The following CALCR variants were observed in gnomAD, a reference collection of about 807,000 sequenced individuals.
The protein encoded by CALCR is calcitonin receptor.
Under a neutral mutation model 59.5 loss-of-function variants are expected in CALCR, and 47 were observed. The observed-to-expected ratio is 0.79, with a 90% CI of 0.63 to 1.01. The LOEUF (loss-of-function observed/expected upper bound fraction) is 1.01, where lower values mean the gene tolerates loss of function less well. Ranked by LOEUF, CALCR falls within the 50% of genes least tolerant of loss-of-function variation. The pLI, the probability that CALCR is intolerant of heterozygous loss-of-function variation, is 0.00. For missense variants in CALCR, 566 were observed against 597.1 expected, an observed-to-expected ratio of 0.95 and a Z score of 0.54; for synonymous variants, 213 against 211.3, an observed-to-expected ratio of 1.01 and a Z score of -0.07.
intron 2 of CALCR, among the ~76,000 whole-genome samples, chr7:93,550,640 C>CACACATAT (rs546932316): frequency 1.4e-5 from 2 of 146,758 alleles, no homozygotes; most frequent in African/African-American, 5.0e-5. Context: ...CACACACACA[C>CACACATAT]GAGAGACAGA....
chr7:93,556,224 AG>A lies in CALCR; in HGVS notation c.-27+18064del, dbSNP rs745804565. 5.3e-5 allele frequency among the ~76,000 whole-genome samples: 8 copies of A among 152,292 alleles called. No individual in the cohort carries two copies. The East Asian group carries it at 1.3e-3, about 26-fold the overall frequency. ...TGGAATTTGGATAGACCTTATTATC[AG>A]TGGCCTGATATTGGCATGAAAGCAA... On this transcript the variant is annotated intron_variant, in intron 2 of 13. Coordinates refer to ENST00000426151, the MANE Select transcript of CALCR (RefSeq NM_001742.4).
At chr7:93,520,034 A>G (rs1432397428) in intron 2 of CALCR, among the ~76,000 whole-genome samples, 1 of 152,072 alleles carries the variant, frequency 6.6e-6, no homozygotes, top group Non-Finnish European at 1.5e-5. Context: ...ACATTTTTCA[A>G]AATGTGTTCA....
intron 2 of CALCR, among the ~76,000 whole-genome samples, chr7:93,560,253 C>A (rs1789714528): frequency 1.3e-5 from 2 of 152,056 alleles, no homozygotes; most frequent in Admixed American, 1.3e-4. Flanking sequence ...ACTAAGGAAT[C>A]AGTGACACAC....
chr7:93,544,227 A>T (rs1789224068), intron 2 of CALCR, among the ~76,000 whole-genome samples: 1 of 152,064 alleles, frequency 6.6e-6, no homozygotes, highest in Admixed American at 6.6e-5. Flanking sequence ...ATTTCTTCTG[A>T]TACCAAATAT....
chr7:93,568,422 G>T (rs1563023903), intron 2 of CALCR, among the ~76,000 whole-genome samples: 1 of 151,734 alleles, frequency 6.6e-6, no homozygotes, highest in African/African-American at 2.4e-5. Context: ...ATGCAATTGC[G>T]AGCTCTCAAT....
chr7:93,545,194 A>G (rs1789253383), intron 2 of CALCR, among the ~76,000 whole-genome samples: 1 of 152,120 alleles, frequency 6.6e-6, no homozygotes, highest in African/African-American at 2.4e-5. Context: ...TGATATTATT[A>G]TCAGGAATAA....
At chr7:93,558,894 C>A (rs1789672969) in intron 2 of CALCR, among the ~76,000 whole-genome samples, 1 of 152,056 alleles carries the variant, frequency 6.6e-6, no homozygotes, top group Non-Finnish European at 1.5e-5. Context: ...AATCCTTGGG[C>A]CTCACCTTAG....
chr7:93,429,935 T>G lies in CALCR; in HGVS notation c.1192-3346A>C, dbSNP rs546188365. 6.8e-3 allele frequency among the ~76,000 whole-genome samples: 726 copies of G among 106,398 alleles called. 12 individuals carry two copies. Among genetic ancestry groups the G allele is most frequent in the African/African-American group, 0.025 (691 of 27,656 alleles). 69.8% of individuals were successfully genotyped at this position (106,398 alleles called of 152,430 possible). On this transcript the variant is annotated intron_variant, in intron 13 of 13. Transcript: ENST00000426151. Reference sequence around the variant, plus strand: ...GACGGTTTTTTTTTTTGTTTGTTTGTTTTTTTGTTTTTTTTTGAGACAGAG... The same window carrying G: ...GACGGTTTTTTTTTTTGTTTGTTTGGTTTTTTGTTTTTTTTTGAGACAGAG...
chr7:93,426,294 T>A lies in CALCR; in HGVS notation c.*62A>T. ...CTGGGAGGATGGAGAATACTTTAAA[T>A]GCATGGTCTTTCTCCCAGGAAATGA... On this transcript the variant is annotated 3_prime_UTR_variant, in exon 14 of 14. Coordinates refer to ENST00000426151, the MANE Select transcript of CALCR (RefSeq NM_001742.4). The A allele has an allele frequency of 4.4e-6, 4 of 910,238 alleles. No homozygotes were observed. Among genetic ancestry groups the A allele is most frequent in the Non-Finnish European group, 7.4e-6 (4 of 543,986 alleles). 56.4% of individuals were successfully genotyped at this position (910,238 alleles called of 1,614,324 possible).
At chr7:93,452,272 T>G (rs950003480) in intron 8 of CALCR, among the ~76,000 whole-genome samples, 1 of 152,010 alleles carries the variant, frequency 6.6e-6, no homozygotes, top group Non-Finnish European at 1.5e-5. Flanking sequence ...CTCCTGTTGT[T>G]GTAAACTCCT....
At chr7:93,446,141 T>C (rs1437029539) in intron 8 of CALCR, among the ~76,000 whole-genome samples, 1 of 151,996 alleles carries the variant, frequency 6.6e-6, no homozygotes, top group Non-Finnish European at 1.5e-5. Flanking sequence ...AAAGGTGGAA[T>C]TCATGAATAA....
chr7:93,476,925 C>G (rs2188806), intron 5 of CALCR, among the ~76,000 whole-genome samples: 1 of 151,840 alleles, frequency 6.6e-6, no homozygotes, highest in African/African-American at 2.4e-5. Context: ...CTGGCCTGCA[C>G]TGGTTTTAAA....
At chr7:93,503,287 T>C (rs1241650018) in intron 2 of CALCR, among the ~76,000 whole-genome samples, 2 of 152,062 alleles carry the variant, frequency 1.3e-5, no homozygotes, top group Non-Finnish European at 2.9e-5. Flanking sequence ...TTTGCTCAGA[T>C]GAGGTAAGAC....
chr7:93,512,616 A>G (rs1801569712), intron 2 of CALCR, among the ~76,000 whole-genome samples: 1 of 152,200 alleles, frequency 6.6e-6, no homozygotes, highest in African/African-American at 2.4e-5. Context: ...AATTAAATCC[A>G]GCTGAGTATC....
intron 2 of CALCR, among the ~76,000 whole-genome samples, chr7:93,518,212 A>T (rs1801686655): frequency 6.6e-6 from 1 of 151,182 alleles, no homozygotes; most frequent in Non-Finnish European, 1.5e-5. Context: ...TTACAAGACC[A>T]CACACACACA....
At chr7:93,444,000 G>A (rs539851510) in intron 8 of CALCR, among the ~76,000 whole-genome samples, 39 of 152,220 alleles carry the variant, frequency 2.6e-4, no homozygotes, top group African/African-American at 9.1e-4. Context: ...GTTCTTCCTT[G>A]TTGCATTCTG....
chr7:93,448,932 TG>T (rs1243316521), intron 8 of CALCR, among the ~76,000 whole-genome samples: 1 of 152,020 alleles, frequency 6.6e-6, no homozygotes, highest in East Asian at 1.9e-4. Flanking sequence ...GTATCTTCTC[TG>T]TTTCTTTAGT....
At chr7:93,492,731 G>A (rs1340142446) in intron 2 of CALCR, among the ~76,000 whole-genome samples, 1 of 151,262 alleles carries the variant, frequency 6.6e-6, no homozygotes, top group Non-Finnish European at 1.5e-5. Flanking sequence ...CAGACTGGGT[G>A]AAAGGTTCAA....
chr7:93,542,786 G>A (rs139792898), intron 2 of CALCR, among the ~76,000 whole-genome samples: 41 of 151,762 alleles, frequency 2.7e-4, no homozygotes, highest in African/African-American at 9.4e-4. Flanking sequence ...CCACACATTA[G>A]CCTAAGCCCA....
Sources: gnomAD v4.1 joint callset for allele counts (sites outside exome capture counted in the v4.1 genomes callset) on GRCh38, gnomAD v4.1.1 for gene constraint, MANE v1.5 for transcripts, NCBI Gene and HGNC (gene_info 2026-07-23, HGNC 2026-07-21) for gene names.